The following CADM2 variants were observed in gnomAD, a reference collection of about 807,000 sequenced individuals.
CADM2 encodes the protein cell adhesion molecule 2.
CADM2 carries 12 observed loss-of-function variants against 49.8 expected under a neutral mutation model. The ratio of observed to expected loss-of-function variants is 0.24; its 90% CI spans 0.15 to 0.39. The LOEUF is 0.39. CADM2 is among the 10% of genes least tolerant of loss of function. The pLI is 1.00. For synonymous variants in CADM2, 214 were observed against 175.4 expected, an observed-to-expected ratio of 1.22 and a Z score of -1.74; for missense variants, 378 against 492.3, an observed-to-expected ratio of 0.77 and a Z score of 2.20.
At chr3:85,093,218 G>A (rs1468852559) in intron 1 of CADM2, among the ~76,000 whole-genome samples, 1 of 152,016 alleles carries the variant, frequency 6.6e-6, no homozygotes, top group Non-Finnish European at 1.5e-5. Flanking sequence ...TAAGACAGAT[G>A]ACCAGATAAG....
At chr3:85,267,750 T>C (rs1452438152) in intron 1 of CADM2, among the ~76,000 whole-genome samples, 1 of 151,564 alleles carries the variant, frequency 6.6e-6, no homozygotes, top group Non-Finnish European at 1.5e-5. Context: ...AAACTGACCC[T>C]AGAGTTTATT....
chr3:85,927,116 A>G (rs1195385576), intron 6 of CADM2, among the ~76,000 whole-genome samples: 1 of 152,196 alleles, frequency 6.6e-6, no homozygotes, highest in Non-Finnish European at 1.5e-5. Context: ...AATTACATCA[A>G]TGCGTATTAT....
At chr3:85,837,544 T>A (rs1435806849) in intron 3 of CADM2, among the ~76,000 whole-genome samples, 1 of 151,508 alleles carries the variant, frequency 6.6e-6, no homozygotes, top group Non-Finnish European at 1.5e-5. Context: ...AAGTGGAGAT[T>A]TTTTTTTCCA....
intron 1 of CADM2, among the ~76,000 whole-genome samples, chr3:85,192,538 C>A (rs751662473): frequency 3.3e-5 from 5 of 150,242 alleles, no homozygotes; most frequent in Admixed American, 6.7e-5. Flanking sequence ...GAAGGAACCC[C>A]AAAAAAGTCT....
intron 1 of CADM2, among the ~76,000 whole-genome samples, chr3:85,701,407 G>T (rs532658555): frequency 6.6e-6 from 1 of 152,180 alleles, no homozygotes; most frequent in South Asian, 2.1e-4. Flanking sequence ...ACTTTACCTT[G>T]GTAGATGTCA....
Position 85,492,861 on chromosome 3 carries a change from T to G in CADM2, c.62-233661T>G, listed in dbSNP as rs1444718519. Reference sequence around the variant, plus strand: ...GTGTCATCTGAGCACAAGACAGAGGTGCTAGGAAAGATTAGGAATGTCAAG... The same window carrying G: ...GTGTCATCTGAGCACAAGACAGAGGGGCTAGGAAAGATTAGGAATGTCAAG... On this transcript the variant is annotated intron_variant, in intron 1 of 9. Coordinates refer to ENST00000383699, the MANE Select transcript of CADM2 (RefSeq NM_001167675.2). Among the ~76,000 whole-genome samples, 5 of 151,978 alleles carry G rather than the reference T, an allele frequency of 3.3e-5. No homozygotes were observed. In the East Asian group the frequency reaches 9.7e-4, roughly 29 times the overall value.
At chr3:85,523,751 T>G (rs2061086071) in intron 1 of CADM2, among the ~76,000 whole-genome samples, 1 of 152,094 alleles carries the variant, frequency 6.6e-6, no homozygotes, top group Non-Finnish European at 1.5e-5. Flanking sequence ...CTACTTTCTT[T>G]TTTACTGCAA....
At chr3:86,050,696 A>G (rs1453481493) in intron 8 of CADM2, among the ~76,000 whole-genome samples, 1 of 152,164 alleles carries the variant, frequency 6.6e-6, no homozygotes, top group African/African-American at 2.4e-5. Flanking sequence ...GGAACCACCA[A>G]GGCTTAAGGC....
chr3:85,487,336 A>G (rs1029163492), intron 1 of CADM2, among the ~76,000 whole-genome samples: 2 of 152,158 alleles, frequency 1.3e-5, no homozygotes, highest in Admixed American at 1.3e-4. Flanking sequence ...CAGCGAAACA[A>G]CACATCCATC....
At chr3:85,089,533 A>G (rs994851378) in intron 1 of CADM2, among the ~76,000 whole-genome samples, 1 of 152,130 alleles carries the variant, frequency 6.6e-6, no homozygotes, top group Non-Finnish European at 1.5e-5. Flanking sequence ...GACTCACATA[A>G]ATGATTTTCA....
At chr3:85,916,660 G>A (rs1233212383) in intron 6 of CADM2, among the ~76,000 whole-genome samples, 1 of 152,030 alleles carries the variant, frequency 6.6e-6, no homozygotes, top group Non-Finnish European at 1.5e-5. Context: ...ATAGCAGCAT[G>A]ATTTATAATC....
In CADM2 at chr3:85,788,776, T is replaced by G. The variant is rs1029984405; in HGVS notation, c.89-13271T>G. ...ATAACTTTCCTTATAATCTTTATCG[T>G]ATTTGGCTAGTCATATTTTCTATAT... On this transcript the variant is annotated intron_variant, in intron 2 of 9. Transcript: ENST00000383699. Among the ~76,000 whole-genome samples the G allele has an allele frequency of 2.0e-5, 3 of 152,032 alleles. No homozygotes were observed. The South Asian group carries it at 6.2e-4, about 31-fold the overall frequency.
chr3:85,897,461 G>A (rs1715403436), intron 5 of CADM2, among the ~76,000 whole-genome samples: 1 of 148,958 alleles, frequency 6.7e-6, no homozygotes, highest in Non-Finnish European at 1.5e-5. Flanking sequence ...AGTAGAGACG[G>A]GGTTTCACCT....
At chr3:85,206,301 T>C (rs1003590823) in intron 1 of CADM2, among the ~76,000 whole-genome samples, 73 of 151,284 alleles carry the variant, frequency 4.8e-4, no homozygotes, top group African/African-American at 1.5e-3. Context: ...GGTCTTTTTT[T>C]TTTTCTTTTC....
At chr3:85,990,878 T>A (rs1376914522) in intron 8 of CADM2, among the ~76,000 whole-genome samples, 1 of 152,180 alleles carries the variant, frequency 6.6e-6, no homozygotes, top group East Asian at 1.9e-4. Flanking sequence ...AAGTAAGTAG[T>A]TAAGTGTGGC....
At chr3:85,143,292 G>A (rs761265083) in intron 1 of CADM2, among the ~76,000 whole-genome samples, 1 of 152,108 alleles carries the variant, frequency 6.6e-6, no homozygotes, top group Non-Finnish European at 1.5e-5. Flanking sequence ...AGACTAGCCT[G>A]TGCAACATAG....
At chr3:85,043,820 C>A (rs2035542292) in intron 1 of CADM2, among the ~76,000 whole-genome samples, 1 of 152,156 alleles carries the variant, frequency 6.6e-6, no homozygotes, top group Non-Finnish European at 1.5e-5. Flanking sequence ...AGAAACCATA[C>A]TTTTGCTATT....
chr3:84,998,805 CAATA>C (rs1425964579), intron 1 of CADM2, among the ~76,000 whole-genome samples: 2 of 151,998 alleles, frequency 1.3e-5, no homozygotes, highest in African/African-American at 2.4e-5. Flanking sequence ...AATTTGGCAC[CAATA>C]AATAACCACC....
chr3:85,141,390 G>C (rs545582672), intron 1 of CADM2, among the ~76,000 whole-genome samples: 1 of 152,206 alleles, frequency 6.6e-6, no homozygotes, highest in South Asian at 2.1e-4. Context: ...GCTTAAACAG[G>C]GTGTGGCATA....
Sources: allele counts gnomAD v4.1 joint callset (sites outside exome capture counted in the v4.1 genomes callset), GRCh38; gene constraint gnomAD v4.1.1; transcripts MANE v1.5; gene names NCBI Gene and HGNC (gene_info 2026-07-23, HGNC 2026-07-21).